BBS5: variants seen among roughly 807,000 people sequenced by gnomAD.
BBS5 encodes BBSome complex member BBS5.
In BBS5, 39 loss-of-function variants were observed where a neutral mutation model predicts 50.2. That is an observed-to-expected ratio of 0.78 (90% CI 0.60 to 1.01). The LOEUF is 1.01. Among genes scored for constraint, BBS5 ranks in the 50% least tolerant of loss-of-function variants. BBS5 has a pLI of 0.00. For synonymous variants in BBS5, 134 were observed against 133.1 expected, an observed-to-expected ratio of 1.01 and a Z score of -0.05; for missense variants, 356 against 401.5, an observed-to-expected ratio of 0.89 and a Z score of 0.97.
chr2:169,504,317 T>C lies in BBS5; in HGVS notation c.915T>C (p.Asp305=). The change falls in exon 11 of 12, where the codon GAT becomes GAC. Residue 305 remains aspartate (D), a synonymous_variant. Transcript: ENST00000295240. The part of the protein sequence containing the change: ...HTDAFVAYFA[D]GNKQQDREPV... ...TTGTCTTACAGGCTTATTTTGCTGA[T>C]GGCAATAAGGTAAGGACATTTATTT... 6.2e-7 allele frequency: 1 copy of C among 1,613,184 alleles called. No individual in the cohort carries two copies. Among genetic ancestry groups the C allele is most frequent in the Non-Finnish European group, 8.5e-7 (1 of 1,179,154 alleles).
At position 169,497,625 on chromosome 2, in the gene BBS5, A is replaced by G; in HGVS notation, c.619-2A>G. Reference sequence around the variant, plus strand: ...TGTTTTTCTTTTTCATTTTGTATCTAGCGTTCAATAAAGATTAGAGATTCA... The same window carrying G: ...TGTTTTTCTTTTTCATTTTGTATCTGGCGTTCAATAAAGATTAGAGATTCA... On this transcript the variant is annotated splice_acceptor_variant, in intron 7 of 11. Transcript: ENST00000295240. LOFTEE classifies it high-confidence loss of function. 6.4e-7 allele frequency: 1 copy of G among 1,566,990 alleles called. No homozygotes were observed. Among genetic ancestry groups the G allele is most frequent in the Non-Finnish European group, 8.8e-7 (1 of 1,137,978 alleles).
intron 9 of BBS5, among the ~76,000 whole-genome samples, chr2:169,499,834 G>A (rs1013826653): frequency 6.6e-6 from 1 of 152,076 alleles, no homozygotes; most frequent in Non-Finnish European, 1.5e-5. Context: ...TTCCTGCCCC[G>A]CATACCTGCC....
intron 6 of BBS5, 115 bp downstream of exon 6, chr2:169,493,124 G>T: frequency 1.6e-6 from 2 of 1,269,792 alleles, no homozygotes; most frequent in Non-Finnish European, 2.3e-6. Context: ...TTATAGGAAA[G>T]CGTATTACTT....
Position 169,487,821 on chromosome 2 carries a change from G to A in BBS5, c.224G>A (p.Cys75Tyr). ...SRVNVSVGYNCILNITTRTAN... is the reference protein window; with the variant it reads ...SRVNVSVGYNYILNITTRTAN... ...TGGATTTTAGCTGTCGGTTACAATT[G>A]CATATTGAATATTACAACAAGGACT... is the stretch of plus-strand genomic sequence containing the variant. Residue 75 changes from cysteine to tyrosine, a missense_variant, in exon 4 of 12, where the codon TGC becomes TAC. By Grantham distance (194) the Cys-to-Tyr change is radical. Coordinates refer to ENST00000295240, the MANE Select transcript of BBS5 (RefSeq NM_152384.3). 2 of 1,607,292 alleles carry A rather than the reference G, an allele frequency of 1.2e-6. No homozygotes were observed. Among genetic ancestry groups the A allele is most frequent in the Non-Finnish European group, 1.7e-6 (2 of 1,175,116 alleles).
intron 5 of BBS5, among the ~76,000 whole-genome samples, chr2:169,490,624 T>G (rs888659821): frequency 6.6e-6 from 1 of 152,218 alleles, no homozygotes; most frequent in Non-Finnish European, 1.5e-5. Context: ...TTAGTCTATA[T>G]AATGGCTTAA....
chr2:169,498,236 G>A (rs1683729760), intron 8 of BBS5, among the ~76,000 whole-genome samples: 2 of 152,132 alleles, frequency 1.3e-5, no homozygotes. Context: ...CATTATGCCA[G>A]GTTTTTGCAG....
chr2:169,494,003 A>G (rs563774823), intron 7 of BBS5, among the ~76,000 whole-genome samples, 167 bp downstream of exon 7: 13 of 152,322 alleles, frequency 8.5e-5, no homozygotes, highest in South Asian at 2.1e-4. Flanking sequence ...AAATATTTCA[A>G]TGTAGAAAAG....
At chr2:169,500,521 C>A (rs768353591) in intron 9 of BBS5, among the ~76,000 whole-genome samples, 1 of 152,156 alleles carries the variant, frequency 6.6e-6, no homozygotes, top group Non-Finnish European at 1.5e-5. Flanking sequence ...TTTACTGGCA[C>A]CCTCATTATG....
intron 2 of BBS5, 82 bp from the exon 3 acceptor site, chr2:169,486,987 G>A: frequency 5.6e-6 from 5 of 890,772 alleles, no homozygotes; most frequent in South Asian, 1.3e-5. Context: ...TACTGGGCCA[G>A]AAGTTCCATA....
At position 169,505,017 on chromosome 2, in the gene BBS5, T is replaced by A; in HGVS notation, c.*435T>A. 6.3e-7 allele frequency: 1 copy of A among 1,596,046 alleles called. No individual in the cohort carries two copies. The highest frequency in any genetic ancestry group is 8.6e-7 in the Non-Finnish European group (1 of 1,168,426). On this transcript the variant is annotated 3_prime_UTR_variant, in exon 12 of 12. Coordinates refer to ENST00000295240, the MANE Select transcript of BBS5 (RefSeq NM_152384.3). Reference sequence around the variant, plus strand: ...CTTCCCAAAATGGCCGAAGCTGGACTGTACTGCTGCCATCTCTGGCTCACT... The same window carrying A: ...CTTCCCAAAATGGCCGAAGCTGGACAGTACTGCTGCCATCTCTGGCTCACT...
chr2:169,497,947 G>A (rs1683726059), intron 8 of BBS5, among the ~76,000 whole-genome samples: 1 of 152,114 alleles, frequency 6.6e-6, no homozygotes, highest in East Asian at 1.9e-4. Flanking sequence ...ATTGTGCCGA[G>A]GGCTTTTCAT....
intron 2 of BBS5, among the ~76,000 whole-genome samples, chr2:169,484,774 A>C (rs1287431438): frequency 6.6e-6 from 1 of 152,236 alleles, no homozygotes; most frequent in Non-Finnish European, 1.5e-5. Context: ...ATAATCAGAA[A>C]GTAAGTCATA....
intron 5 of BBS5, among the ~76,000 whole-genome samples, chr2:169,492,547 A>G (rs1191257256): frequency 6.6e-6 from 1 of 152,066 alleles, no homozygotes; most frequent in Non-Finnish European, 1.5e-5. Context: ...CTAAAATGAC[A>G]AATTCTACAA....
In BBS5 at chr2:169,479,837, G is replaced by A. The variant is rs535323092; in HGVS notation, c.59+225G>A. Among the ~76,000 whole-genome samples the A allele has an allele frequency of 4.9e-3, 750 of 152,246 alleles. 3 individuals carry two copies. The highest frequency in any genetic ancestry group is 8.1e-3 in the Non-Finnish European group (554 of 68,010). ...GAGCGCATCGGCATTACACAGTTTTGGTCCCATGCGACCTCCGGTTCCCCC... is the reference window on the plus strand; with the variant it reads ...GAGCGCATCGGCATTACACAGTTTTAGTCCCATGCGACCTCCGGTTCCCCC... On this transcript the variant is annotated intron_variant, in intron 1 of 11. Coordinates refer to ENST00000295240, the MANE Select transcript of BBS5 (RefSeq NM_152384.3).
chr2:169,496,755 G>T (rs1389130708), intron 7 of BBS5, among the ~76,000 whole-genome samples: 1 of 151,984 alleles, frequency 6.6e-6, no homozygotes, highest in Non-Finnish European at 1.5e-5. Context: ...TGTAGTCCCA[G>T]CTACTTGGGA....
At position 169,505,603 on chromosome 2, in the gene BBS5, G is replaced by C. The variant is rs992524078; in HGVS notation, c.*1021G>C. 4 of 253,994 alleles carry C rather than the reference G, an allele frequency of 1.6e-5. No homozygotes were observed. The highest frequency in any genetic ancestry group is 1.5e-4 in the South Asian group (4 of 27,192). 15.7% of individuals were successfully genotyped at this position (253,994 alleles called of 1,614,324 possible). The stretch of plus-strand genomic sequence containing the variant: ...TGAGATGTGGGGAGCACCTCTGCCC[G>C]GCCGCGACCCCATTTGGGAGGTGAG... On this transcript the variant is annotated 3_prime_UTR_variant, in exon 12 of 12. Coordinates refer to ENST00000295240, the MANE Select transcript of BBS5 (RefSeq NM_152384.3).
At chr2:169,480,534 A>C (rs560696959) in intron 1 of BBS5, among the ~76,000 whole-genome samples, 10 of 152,232 alleles carry the variant, frequency 6.6e-5, no homozygotes, top group African/African-American at 2.4e-4. Flanking sequence ...AATATTGATA[A>C]ATTTCTCAGG....
chr2:169,495,309 A>C (rs774347602), intron 7 of BBS5, among the ~76,000 whole-genome samples: 5 of 152,252 alleles, frequency 3.3e-5, no homozygotes, highest in Admixed American at 1.3e-4. Context: ...ATTGCATTAC[A>C]TTAATGTGTT....
chr2:169,480,031 A>AC (rs1379529704), intron 1 of BBS5, among the ~76,000 whole-genome samples: 1 of 152,142 alleles, frequency 6.6e-6, no homozygotes, highest in Non-Finnish European at 1.5e-5. Context: ...TGTAATATCG[A>AC]CCCACAGTGT....
Sources: allele counts gnomAD v4.1 joint callset (sites outside exome capture counted in the v4.1 genomes callset), GRCh38; gene constraint gnomAD v4.1.1; transcripts MANE v1.5; gene names NCBI Gene and HGNC (gene_info 2026-07-23, HGNC 2026-07-21).